The following MAST4 variants were observed in gnomAD, a reference collection of about 807,000 sequenced individuals.
The protein encoded by MAST4 is microtubule-associated serine/threonine-protein kinase 4.
A neutral mutation model predicts 162.7 loss-of-function variants in MAST4; 89 were observed. That is an observed-to-expected ratio of 0.55 (90% confidence interval 0.46 to 0.65). MAST4 has a LOEUF of 0.65. MAST4 is among the 30% of genes least tolerant of loss of function. The pLI, the probability that MAST4 is intolerant of heterozygous loss-of-function variation, is 0.00. For synonymous variants in MAST4, 1,479 were observed against 1,361.1 expected (o/e 1.09, Z -1.91); for missense variants, 3,153 against 3,374.0 (o/e 0.93, Z 1.62).
At chr5:66,968,091 C>T (rs554080446) in intron 4 of MAST4, among the ~76,000 whole-genome samples, 26 of 152,226 alleles carry the variant, frequency 1.7e-4, no homozygotes, top group East Asian at 1.5e-3. Context: ...GCACCGAGCA[C>T]GCCTTGCCAT....
At chr5:67,050,378 C>G (rs763808393) in intron 4 of MAST4, among the ~76,000 whole-genome samples, 1 of 152,294 alleles carries the variant, frequency 6.6e-6, no homozygotes, top group Non-Finnish European at 1.5e-5. Context: ...CACCCAAGCA[C>G]CTGTTCAGCT....
chr5:66,630,658 T>A (rs1744737629), intron 1 of MAST4, among the ~76,000 whole-genome samples: 1 of 152,188 alleles, frequency 6.6e-6, no homozygotes, highest in South Asian at 2.1e-4. Flanking sequence ...CATTAACTGG[T>A]TTTTATCACA....
At position 66,899,937 on chromosome 5, in the gene MAST4, T is replaced by C. The variant is rs1457907489; in HGVS notation, c.643-14T>C. On this transcript the variant is annotated splice_polypyrimidine_tract_variant and intron_variant, in intron 3 of 28. Transcript: ENST00000403625. ...TGCAGCATTGCTTATATATGGTTTT[T>C]TTTTCTTTTGCAGAAGGAGCTGAGT... The C allele has an allele frequency of 2.0e-6, 3 of 1,511,624 alleles. No homozygotes were observed. Among genetic ancestry groups the C allele is most frequent in the East Asian group, 2.5e-5 (1 of 39,566 alleles). 93.6% of individuals were successfully genotyped at this position (1,511,624 alleles called of 1,614,324 possible). A position where few individuals can be genotyped will look rare whatever the true frequency, so the allele number is the denominator to read the frequency against.
At chr5:66,790,449 G>T (rs1477734475) in intron 3 of MAST4, among the ~76,000 whole-genome samples, 2 of 152,134 alleles carry the variant, frequency 1.3e-5, no homozygotes, top group Admixed American at 6.5e-5. Flanking sequence ...TATCTTTAAA[G>T]AAATTTCTTT....
intron 1 of MAST4, among the ~76,000 whole-genome samples, chr5:66,749,520 A>G (rs1753001860): frequency 6.6e-6 from 1 of 152,238 alleles, no homozygotes; most frequent in Admixed American, 6.5e-5. Flanking sequence ...ATGATTGTAA[A>G]GAGTTTAATT....
intron 2 of MAST4, among the ~76,000 whole-genome samples, chr5:66,770,482 A>G (rs1754311380): frequency 6.6e-6 from 1 of 152,080 alleles, no homozygotes; most frequent in African/African-American, 2.4e-5. Context: ...TGCCCCTCTA[A>G]CAGGCTCATA....
chr5:67,024,465 G>T (rs983181571), intron 4 of MAST4, among the ~76,000 whole-genome samples: 1 of 151,080 alleles, frequency 6.6e-6, no homozygotes, highest in Non-Finnish European at 1.5e-5. Flanking sequence ...AAAATGTGGG[G>T]TGTGTATATA....
chr5:67,071,774 G>T (rs963957401), intron 5 of MAST4, among the ~76,000 whole-genome samples: 3 of 152,042 alleles, frequency 2.0e-5, no homozygotes, highest in African/African-American at 7.2e-5. Flanking sequence ...AAACAAAAAG[G>T]ATTTACAGAA....
chr5:67,063,076 G>C (rs1199847652), intron 5 of MAST4, among the ~76,000 whole-genome samples: 2 of 152,034 alleles, frequency 1.3e-5, no homozygotes, highest in Admixed American at 6.6e-5. Context: ...TCATTTCACA[G>C]TGCATCTGTT....
In MAST4 at chr5:66,898,769, A is replaced by G. The variant is rs374326878; in HGVS notation, c.643-1182A>G. Among the ~76,000 whole-genome samples the G allele has an allele frequency of 5.6e-4, 86 of 152,316 alleles. 2 individuals carry two copies. Among genetic ancestry groups the G allele is most frequent in the African/African-American group, 2.0e-3 (83 of 41,578 alleles). On this transcript the variant is annotated intron_variant, in intron 3 of 28. Coordinates refer to ENST00000403625, the MANE Select transcript of MAST4 (RefSeq NM_001164664.2). Reference sequence around the variant, plus strand: ...ATGATTGCTGTAACTCTGTATGGAAATATATTTGCCAGTTAATAAGTAAGT... The same window carrying G: ...ATGATTGCTGTAACTCTGTATGGAAGTATATTTGCCAGTTAATAAGTAAGT...
At chr5:67,087,685 C>T (rs868757814) in intron 5 of MAST4, among the ~76,000 whole-genome samples, 4 of 152,194 alleles carry the variant, frequency 2.6e-5, no homozygotes, top group Non-Finnish European at 5.9e-5. Flanking sequence ...CTCATTTTCT[C>T]TAATATCCTC....
At chr5:66,931,013 C>T (rs7734107) in intron 4 of MAST4, 2 of 186,262 alleles carry the variant, frequency 1.1e-5, no homozygotes, top group Non-Finnish European at 2.3e-5. Context: ...ATTTACAGCC[C>T]ACCCTCAGAG....
At chr5:67,020,115 C>T (rs1753793753) in intron 4 of MAST4, among the ~76,000 whole-genome samples, 1 of 152,156 alleles carries the variant, frequency 6.6e-6, no homozygotes, top group Admixed American at 6.5e-5. Flanking sequence ...TACATGTTAC[C>T]TCTACAGTGT....
At chr5:67,033,403 CA>C (rs5868473) in intron 4 of MAST4, among the ~76,000 whole-genome samples, 33 of 131,286 alleles carry the variant, frequency 2.5e-4, no homozygotes, top group East Asian at 1.3e-3. Context: ...ACTATACAGG[CA>C]AAAAAAAAAG....
At chr5:66,676,793 T>C (rs1747976461) in intron 1 of MAST4, among the ~76,000 whole-genome samples, 1 of 152,256 alleles carries the variant, frequency 6.6e-6, no homozygotes. Context: ...TAGAATTGCC[T>C]GACTGATCAA....
chr5:66,950,655 G>A (rs532085703), intron 4 of MAST4, among the ~76,000 whole-genome samples: 3 of 152,204 alleles, frequency 2.0e-5, no homozygotes, highest in African/African-American at 7.2e-5. Context: ...TCTATTGTAT[G>A]GGTAATACCA....
At chr5:67,062,798 A>T (rs1032009546) in intron 5 of MAST4, among the ~76,000 whole-genome samples, 1 of 152,296 alleles carries the variant, frequency 6.6e-6, no homozygotes, top group East Asian at 1.9e-4. Flanking sequence ...TTCTGACATC[A>T]TACATTTCCT....
At chr5:66,640,475 T>A (rs1041783359) in intron 1 of MAST4, among the ~76,000 whole-genome samples, 3 of 152,066 alleles carry the variant, frequency 2.0e-5, no homozygotes, top group African/African-American at 7.2e-5. Flanking sequence ...GCCTGGCTAA[T>A]TTTTTTGTAA....
intron 1 of MAST4, among the ~76,000 whole-genome samples, chr5:66,725,845 C>G (rs943112172): frequency 2.0e-5 from 3 of 152,064 alleles, no homozygotes; most frequent in African/African-American, 7.2e-5. Flanking sequence ...ATGTTATGTG[C>G]CGGTTGAAAT....
Sources: allele counts gnomAD v4.1 joint callset (sites outside exome capture counted in the v4.1 genomes callset), GRCh38; gene constraint gnomAD v4.1.1; transcripts MANE v1.5; gene names NCBI Gene and HGNC (gene_info 2026-07-23, HGNC 2026-07-21).